Variants in GNB5 observed in about 807,000 individuals in gnomAD.
The protein encoded by GNB5 is G protein subunit beta 5.
In GNB5, 37 loss-of-function variants were observed where a neutral mutation model predicts 55.3. The observed-to-expected ratio is 0.67, with a 90% CI of 0.51 to 0.88. The LOEUF (loss-of-function observed/expected upper bound fraction) is 0.88, where lower values mean the gene tolerates loss of function less well. Ranked by LOEUF, GNB5 falls within the 40% of genes least tolerant of loss-of-function variation. The pLI is 0.00. For missense variants in GNB5, 476 were observed against 515.3 expected (o/e 0.92, Z 0.74); for synonymous variants, 219 against 198.5 (o/e 1.10, Z -0.87).
At chr15:52,187,673 G>A (rs1398500568) in intron 1 of GNB5, among the ~76,000 whole-genome samples, 1 of 152,210 alleles carries the variant, frequency 6.6e-6, no homozygotes, top group Non-Finnish European at 1.5e-5. Context: ...ACAGGGCCAG[G>A]TGTGGTGGCT....
At chr15:52,142,888 C>T (rs2033889171) in intron 6 of GNB5, among the ~76,000 whole-genome samples, 1 of 151,004 alleles carries the variant, frequency 6.6e-6, no homozygotes, top group Admixed American at 6.6e-5. Flanking sequence ...GGCACGGTGG[C>T]TCACATCTGT....
At chr15:52,130,850 G>A (rs1271363923) in intron 9 of GNB5, among the ~76,000 whole-genome samples, 1 of 152,198 alleles carries the variant, frequency 6.6e-6, no homozygotes, top group African/African-American at 2.4e-5. Context: ...TTTTGAGAAG[G>A]GGTCTCGCTC....
At chr15:52,124,836 GATCACTGTAGC>G in intron 11 of GNB5, 197 bp from the exon 12 acceptor site, 1 of 551,322 alleles carries the variant, frequency 1.8e-6, no homozygotes, top group South Asian at 2.3e-5. Flanking sequence ...GAAAGGAACA[GATCACTGTAGC>G]ATCCCATGGT....
At chr15:52,181,688 G>T (rs1045381540) in intron 2 of GNB5, among the ~76,000 whole-genome samples, 1 of 152,104 alleles carries the variant, frequency 6.6e-6, no homozygotes. Flanking sequence ...AGACTTCTCC[G>T]TACATAGCAG....
At chr15:52,139,729 G>A (rs2033807409) in intron 7 of GNB5, 2 of 1,081,224 alleles carry the variant, frequency 1.8e-6, no homozygotes, top group Non-Finnish European at 2.4e-6. Context: ...TGCCTCCCAG[G>A]CCGCGTCCCC....
chr15:52,171,546 G>A (rs1303070686), intron 3 of GNB5, among the ~76,000 whole-genome samples: 1 of 152,202 alleles, frequency 6.6e-6, no homozygotes, highest in Non-Finnish European at 1.5e-5. Context: ...GAGAAAGGAA[G>A]GGGAAAGGAA....
chr15:52,142,824 CT>C (rs773907652), intron 6 of GNB5, among the ~76,000 whole-genome samples: 2 of 150,202 alleles, frequency 1.3e-5, no homozygotes, highest in Non-Finnish European at 3.0e-5. Context: ...TGGGTAGTTT[CT>C]TATCAGTAAT....
chr15:52,116,969 G>A lies in GNB5; in HGVS notation c.*5788C>T, dbSNP rs1596043022. The A allele has an allele frequency of 6.7e-6, 1 of 148,984 alleles. No individual in the cohort carries two copies. Among genetic ancestry groups the A allele is most frequent in the South Asian group, 2.2e-4 (1 of 4,614 alleles). The allele number at this position is 148,984 out of a possible 1,614,324, so 9.2% of individuals were successfully genotyped here. On this transcript the variant is annotated 3_prime_UTR_variant, in exon 13 of 13. Coordinates refer to ENST00000261837, the MANE Select transcript of GNB5 (RefSeq NM_016194.4). ...GTCAGAGTCTCGCTCTGTCGCCCAG[G>A]CTGGAGTGCAGTGGTGCCATCTCGG...
chr15:52,154,297 GTGTTT>G (rs2034162678), intron 3 of GNB5, among the ~76,000 whole-genome samples: 1 of 152,148 alleles, frequency 6.6e-6, no homozygotes, highest in African/African-American at 2.4e-5. Flanking sequence ...TTCTCTCTTT[GTGTTT>G]AAGACCCTAC....
chr15:52,178,912 C>A (rs1003328288), intron 3 of GNB5, among the ~76,000 whole-genome samples: 2 of 152,182 alleles, frequency 1.3e-5, no homozygotes, highest in Admixed American at 1.3e-4. Context: ...GAGATGCCAC[C>A]CTCAGAGCTC....
At chr15:52,146,077 C>G (rs995443525) in intron 6 of GNB5, among the ~76,000 whole-genome samples, 1 of 151,808 alleles carries the variant, frequency 6.6e-6, no homozygotes, top group South Asian at 2.1e-4. Flanking sequence ...CTGCCTCAGC[C>G]TCCCGAGTAG....
chr15:52,130,898 TCAC>T (rs2033557098), intron 9 of GNB5, among the ~76,000 whole-genome samples: 1 of 152,258 alleles, frequency 6.6e-6, no homozygotes, highest in Non-Finnish European at 1.5e-5. Flanking sequence ...CGATCTCAGC[TCAC>T]TGCAACCTCT....
chr15:52,124,366 C>G (rs1173640489), intron 12 of GNB5, 107 bp downstream of exon 12: 1 of 874,262 alleles, frequency 1.1e-6, no homozygotes, highest in African/African-American at 1.7e-5. Context: ...GCGAGGCTGA[C>G]CAGGCCCACC....
chr15:52,190,800 AAAAAAAAAAAAAAAAAAAC>A (rs1318492386), intron 1 of GNB5, among the ~76,000 whole-genome samples: 13 of 105,684 alleles, frequency 1.2e-4, no homozygotes, highest in East Asian at 8.7e-4. Context: ...AAAAAAAAAA[AAAAAAAAAAAAAAAAAAAC>A]ATAAATGTCA....
chr15:52,134,062 G>A (rs930576189), intron 8 of GNB5, among the ~76,000 whole-genome samples: 9 of 152,330 alleles, frequency 5.9e-5, no homozygotes, highest in East Asian at 5.8e-4. Context: ...TGCCATCGAC[G>A]CGCAGGGTGG....
intron 3 of GNB5, among the ~76,000 whole-genome samples, chr15:52,176,478 C>T (rs1331663107): frequency 6.6e-6 from 1 of 152,174 alleles, no homozygotes; most frequent in Non-Finnish European, 1.5e-5. Context: ...TCCTTTCCTC[C>T]CTTTCCCACC....
At chr15:52,179,924 G>A (rs1395589942) in intron 2 of GNB5, 45 bp from the exon 3 acceptor site, 9 of 1,457,600 alleles carry the variant, frequency 6.2e-6, no homozygotes, top group African/African-American at 5.9e-5. Context: ...GAGCGGGAAT[G>A]CGCTGAGCCG....
chr15:52,161,448 C>T (rs549980851), intron 3 of GNB5, among the ~76,000 whole-genome samples: 18 of 152,238 alleles, frequency 1.2e-4, no homozygotes, highest in Non-Finnish European at 2.1e-4. Flanking sequence ...CAGGCACGCG[C>T]TACCACGCCC....
In GNB5 at chr15:52,190,778, TAAAAAAAAAAAAAAAAAAAAAAAA is replaced by T. The variant is rs58614125; in HGVS notation, c.-19+520_-19+543del. On this transcript the variant is annotated intron_variant, in intron 1 of 12. Transcript: ENST00000261837. ...CCACAGAAAATAATGCTTATTTCCT[TAAAAAAAAAAAAAAAAAAAAAAAA>T]AAAAAAAAAAAAAAAACATAAATGT... Among the ~76,000 whole-genome samples the T allele has an allele frequency of 7.2e-4, 70 of 96,908 alleles. 2 individuals carry two copies. Among genetic ancestry groups the T allele is most frequent in the South Asian group, 3.9e-3 (13 of 3,298 alleles). 63.6% of individuals were successfully genotyped at this position (96,908 alleles called of 152,430 possible).
Sources: allele counts gnomAD v4.1 joint callset (sites outside exome capture counted in the v4.1 genomes callset), GRCh38; gene constraint gnomAD v4.1.1; transcripts MANE v1.5; gene names NCBI Gene and HGNC (gene_info 2026-07-23, HGNC 2026-07-21).